Variants in METTL15 observed in about 807,000 individuals in gnomAD.
The protein encoded by METTL15 is 12S rRNA N(4)-cytidine methyltransferase METTL15.
METTL15 carries 34 observed loss-of-function variants against 38.3 expected under a neutral mutation model. The observed-to-expected ratio is 0.89, with a 90% CI of 0.68 to 1.18. METTL15 has a LOEUF of 1.18. Ranked by LOEUF, METTL15 falls within the 50% of genes most tolerant of loss-of-function variation. The probability of loss-of-function intolerance (pLI) is 0.00; values close to 1 mark genes in which losing one functional copy is unlikely to be tolerated. For synonymous variants in METTL15, 162 were observed against 170.9 expected (o/e 0.95, Z 0.41); for missense variants, 438 against 498.4 (o/e 0.88, Z 1.15).
intron 6 of METTL15, among the ~76,000 whole-genome samples, chr11:28,481,498 C>A (rs946364510): frequency 2.0e-5 from 3 of 152,188 alleles, no homozygotes; most frequent in African/African-American, 7.2e-5. Context: ...AACGTCCCTG[C>A]AAAGGGATTC....
At chr11:28,141,320 C>G (rs1849691564) in intron 3 of METTL15, among the ~76,000 whole-genome samples, 1 of 152,040 alleles carries the variant, frequency 6.6e-6, no homozygotes, top group African/African-American at 2.4e-5. Flanking sequence ...CTGTTGGTAT[C>G]AGGTGGTATG....
intron 6 of METTL15, among the ~76,000 whole-genome samples, chr11:28,497,923 G>A (rs1319954835): frequency 1.3e-5 from 2 of 151,956 alleles, no homozygotes; most frequent in African/African-American, 4.8e-5. Flanking sequence ...GCGTGGTGGT[G>A]CATGACTTTA....
At chr11:28,248,054 A>G (rs1347311342) in intron 4 of METTL15, among the ~76,000 whole-genome samples, 1 of 152,066 alleles carries the variant, frequency 6.6e-6, no homozygotes, top group African/African-American at 2.4e-5. Context: ...AATAAACACT[A>G]TTTGGTTTAT....
chr11:28,245,221 AC>A (rs1854461900), intron 4 of METTL15, among the ~76,000 whole-genome samples: 1 of 152,206 alleles, frequency 6.6e-6, no homozygotes, highest in Non-Finnish European at 1.5e-5. Context: ...TGGGATAATT[AC>A]TTAATCTCCA....
intron 4 of METTL15, among the ~76,000 whole-genome samples, chr11:28,258,391 A>G (rs1018541427): frequency 3.9e-5 from 6 of 152,166 alleles, no homozygotes; most frequent in African/African-American, 9.6e-5. Flanking sequence ...TCTACTGCCT[A>G]TGTTCACTTC....
chr11:28,189,627 C>CTATGCGAGTACTTTA (rs765808136), intron 3 of METTL15, among the ~76,000 whole-genome samples: 7 of 151,092 alleles, frequency 4.6e-5, no homozygotes, highest in Non-Finnish European at 3.0e-5. Context: ...ACCCTCTTGA[C>CTATGCGAGTACTTTA]TATGCGAGTA....
chr11:28,414,399 A>T (rs755407259), intron 5 of METTL15, among the ~76,000 whole-genome samples: 1 of 152,066 alleles, frequency 6.6e-6, no homozygotes, highest in East Asian at 1.9e-4. Context: ...CAATTAGAAG[A>T]CAGCTTATCT....
intron 6 of METTL15, among the ~76,000 whole-genome samples, chr11:28,308,462 C>G (rs1387442879): frequency 6.6e-6 from 1 of 152,060 alleles, no homozygotes; most frequent in African/African-American, 2.4e-5. Flanking sequence ...TATATCTAAT[C>G]TGCTGTGTAA....
intron 5 of METTL15, among the ~76,000 whole-genome samples, chr11:28,370,754 A>G (rs1850235300): frequency 6.6e-6 from 1 of 151,924 alleles, no homozygotes; most frequent in African/African-American, 2.4e-5. Flanking sequence ...TGTTTTAACT[A>G]CTGTGAAATG....
chr11:28,345,345 C>A lies in METTL15; in HGVS notation c.*190-6745C>A, dbSNP rs555781709. 3.9e-5 allele frequency among the ~76,000 whole-genome samples: 6 copies of A among 152,156 alleles called. No individual in the cohort carries two copies. In the South Asian group the frequency reaches 1.2e-3, roughly 32 times the overall value. On this transcript the variant is annotated intron_variant and NMD_transcript_variant, in intron 3 of 7. Coordinates refer to the METTL15 transcript ENST00000532947. ...CTGGGACTACAGGCGTGCGCCACCA[C>A]GCCCGGCTAATTTTTTGTATTTTTC...
intron 3 of METTL15, among the ~76,000 whole-genome samples, chr11:28,205,083 A>G (rs576560785): frequency 1.3e-5 from 2 of 151,724 alleles, no homozygotes; most frequent in African/African-American, 2.4e-5. Context: ...ACCAGTTGCT[A>G]TATTTATTTA....
chr11:28,306,612 C>T (rs1857090838), intron 6 of METTL15, among the ~76,000 whole-genome samples: 1 of 152,062 alleles, frequency 6.6e-6, no homozygotes, highest in East Asian at 1.9e-4. Flanking sequence ...CACCTCCACT[C>T]CTTAAAGTAG....
intron 5 of METTL15, among the ~76,000 whole-genome samples, chr11:28,418,595 T>C (rs1850793605): frequency 6.6e-6 from 1 of 152,116 alleles, no homozygotes; most frequent in Non-Finnish European, 1.5e-5. Context: ...CTATACAAAA[T>C]AGCCCTTCAT....
chr11:28,499,092 G>A (rs1851559634), intron 6 of METTL15, among the ~76,000 whole-genome samples: 1 of 152,130 alleles, frequency 6.6e-6, no homozygotes, highest in African/African-American at 2.4e-5. Flanking sequence ...GCTATGATAG[G>A]CCTTACGTTG....
At chr11:28,234,757 C>G (rs1339771966) in intron 4 of METTL15, among the ~76,000 whole-genome samples, 1 of 141,130 alleles carries the variant, frequency 7.1e-6, no homozygotes, top group Admixed American at 7.1e-5. Context: ...TTGTAGGTTG[C>G]CTGTTCACTC....
rs1339998922 is a variant in METTL15, at chr11:28,161,748, GGATGAGT to G, written c.270+48148_270+48154del. ...TTACATCTTGAAAAAAAGGAACATA[GGATGAGT>G]GATAATTTTGGGATGGTGAGTTCAG... On this transcript the variant is annotated intron_variant, in intron 3 of 6. Transcript: ENST00000407364. 3.9e-5 allele frequency among the ~76,000 whole-genome samples: 6 copies of G among 152,074 alleles called. No homozygotes were observed. In the East Asian group the frequency reaches 1.2e-3, roughly 29 times the overall value.
intron 6 of METTL15, among the ~76,000 whole-genome samples, chr11:28,430,517 A>G (rs1336966941): frequency 2.9e-3 from 13 of 4,422 alleles, no homozygotes; most frequent in African/African-American, 4.8e-3. Flanking sequence ...TCAGCCCCCC[A>G]CCCGGCCAGC....
At chr11:28,497,765 T>C (rs762871979) in intron 6 of METTL15, among the ~76,000 whole-genome samples, 5 of 152,058 alleles carry the variant, frequency 3.3e-5, no homozygotes, top group African/African-American at 4.8e-5. Flanking sequence ...ACCTCTCTTA[T>C]AGGGGTATTA....
At chr11:28,340,803 C>T (rs1285922344) in intron 3 of METTL15, among the ~76,000 whole-genome samples, 1 of 152,128 alleles carries the variant, frequency 6.6e-6, no homozygotes, top group East Asian at 1.9e-4. Flanking sequence ...CCATTTGACC[C>T]AGCAATCCCA....
Sources: allele counts gnomAD v4.1 joint callset (sites outside exome capture counted in the v4.1 genomes callset), GRCh38; gene constraint gnomAD v4.1.1; transcripts MANE v1.5; gene names NCBI Gene and HGNC (gene_info 2026-07-23, HGNC 2026-07-21).